Variants in MAL observed in about 807,000 individuals in gnomAD.
The protein encoded by MAL is myelin and lymphocyte protein.
Under a neutral mutation model 16.7 loss-of-function variants are expected in MAL, and 5 were observed. The ratio of observed to expected loss-of-function variants is 0.30; its 90% confidence interval spans 0.16 to 0.63. The LOEUF is 0.63. Among genes scored for constraint, MAL ranks in the 30% least tolerant of loss-of-function variants. The pLI, the probability that MAL is intolerant of heterozygous loss-of-function variation, is 0.82. For missense variants in MAL, 202 were observed against 195.8 expected, an observed-to-expected ratio of 1.03 and a Z score of -0.19; for synonymous variants, 96 against 85.5, an observed-to-expected ratio of 1.12 and a Z score of -0.67.
At chr2:95,053,317 G>T in intron 3 of MAL, 64 bp from the exon 4 acceptor site, 1 of 1,127,106 alleles carries the variant, frequency 8.9e-7, no homozygotes. Context: ...GCTGGATGCA[G>T]TGCAGACGCT....
chr2:95,027,006 A>G (rs1360101805), intron 1 of MAL, among the ~76,000 whole-genome samples: 3 of 152,184 alleles, frequency 2.0e-5, no homozygotes, highest in African/African-American at 4.8e-5. Flanking sequence ...CAGGGCTACC[A>G]TTGAACTTAG....
chr2:95,031,364 T>C (rs1674073732), intron 1 of MAL, among the ~76,000 whole-genome samples: 1 of 152,126 alleles, frequency 6.6e-6, no homozygotes, highest in Non-Finnish European at 1.5e-5. Flanking sequence ...ACTGGGAAGC[T>C]CACACCTCCT....
chr2:95,028,523 T>C (rs1674003616), intron 1 of MAL, among the ~76,000 whole-genome samples: 1 of 152,028 alleles, frequency 6.6e-6, no homozygotes, highest in African/African-American at 2.4e-5. Flanking sequence ...CAGTTTGGTG[T>C]TCCCTCAAAA....
At chr2:95,037,370 G>GACTA (rs1674251634) in intron 1 of MAL, among the ~76,000 whole-genome samples, 1 of 151,482 alleles carries the variant, frequency 6.6e-6, no homozygotes, top group African/African-American at 2.4e-5. Context: ...CTGAGTGAGT[G>GACTA]AGTGACTGAG....
intron 1 of MAL, among the ~76,000 whole-genome samples, chr2:95,031,106 G>T (rs146612900): frequency 3.5e-3 from 533 of 152,306 alleles, no homozygotes; most frequent in Admixed American, 7.9e-3. Flanking sequence ...TTCAGAGCTG[G>T]CAGGGAACTG....
At chr2:95,037,500 GTGAC>G (rs1406121763) in intron 1 of MAL, among the ~76,000 whole-genome samples, 10 of 151,566 alleles carry the variant, frequency 6.6e-5, no homozygotes, top group African/African-American at 1.5e-4. Context: ...GAGTGACTGA[GTGAC>G]TGAGTGAGTG....
At chr2:95,048,277 T>A in intron 2 of MAL, 151 bp downstream of exon 2, 1 of 874,870 alleles carries the variant, frequency 1.1e-6, no homozygotes, top group African/African-American at 1.7e-5. Context: ...CCAGGGCTCC[T>A]GGCAGCAGAA....
In MAL at chr2:95,046,511, G is replaced by C. The variant is rs116450974; in HGVS notation, c.94-1448G>C. Among the ~76,000 whole-genome samples, 1,389 of 152,300 alleles carry C rather than the reference G, an allele frequency of 9.1e-3. 24 individuals are homozygous for C. Among genetic ancestry groups the C allele is most frequent in the African/African-American group, 0.032 (1,338 of 41,546 alleles). ...CCACAGTGAGGAACGGAGTTTGTAC[G>C]TACCCATCCGCGGTGGGGAGCGGGT... On this transcript the variant is annotated intron_variant, in intron 1 of 3. Transcript: ENST00000309988.
rs547816299 is a variant in MAL, at chr2:95,037,607, A to G, written c.94-10352A>G. Among the ~76,000 whole-genome samples, 27 of 142,150 alleles carry G rather than the reference A, an allele frequency of 1.9e-4. 1 individual carries two copies. The highest frequency in any genetic ancestry group is 7.0e-4 in the African/African-American group (26 of 37,200). The allele number at this position is 142,150 out of a possible 152,430, so 93.3% of individuals were successfully genotyped here. A position where few individuals can be genotyped will look rare whatever the true frequency, so the allele number is the denominator to read the frequency against. On this transcript the variant is annotated intron_variant, in intron 1 of 3. Coordinates refer to ENST00000309988, the MANE Select transcript of MAL (RefSeq NM_002371.4). ...GACTGAGTGAGTGAGTGGGTGAGTA[A>G]CAGAGTGAGTGAGTGACTAAGTAAG...
chr2:95,025,917 G>A lies in MAL; in HGVS notation c.93+32G>A. On this transcript the variant is annotated intron_variant, in intron 1 of 3. Transcript: ENST00000309988. This position sits in a 1 kb window ranked among gnomAD's most constrained non-coding sequence, Gnocchi z 5.6. ...GGCTCCTGGCCGGGGAAGGGACGGG[G>A]TGGGCTGAGCCGTGCGCTCTCTCGG... The A allele has an allele frequency of 1.3e-6, 2 of 1,515,550 alleles. No individual in the cohort carries two copies. Among genetic ancestry groups the A allele is most frequent in the Non-Finnish European group, 1.8e-6 (2 of 1,124,890 alleles). 93.9% of individuals were successfully genotyped at this position (1,515,550 alleles called of 1,614,324 possible).
intron 1 of MAL, among the ~76,000 whole-genome samples, chr2:95,035,301 T>C (rs1674178227): frequency 6.6e-6 from 1 of 152,242 alleles, no homozygotes; most frequent in Non-Finnish European, 1.5e-5. Context: ...ATTTTGCCTT[T>C]TACAGGTGGC....
chr2:95,036,445 C>A (rs1674208433), intron 1 of MAL, among the ~76,000 whole-genome samples: 1 of 152,186 alleles, frequency 6.6e-6, no homozygotes, highest in South Asian at 2.1e-4. Flanking sequence ...CTTGGTGGAC[C>A]CAGAACTGCT....
At chr2:95,046,298 T>A (rs1457544624) in intron 1 of MAL, among the ~76,000 whole-genome samples, 1 of 152,168 alleles carries the variant, frequency 6.6e-6, no homozygotes, top group Non-Finnish European at 1.5e-5. Flanking sequence ...CTGTAGTACC[T>A]TGGAGACTTT....
intron 1 of MAL, among the ~76,000 whole-genome samples, chr2:95,045,915 T>C (rs1313232444): frequency 1.3e-5 from 2 of 152,232 alleles, no homozygotes; most frequent in African/African-American, 4.8e-5. Flanking sequence ...TTTTATTTAA[T>C]TGATTTTGCT....
chr2:95,030,089 A>G (rs1674041528), intron 1 of MAL, among the ~76,000 whole-genome samples: 1 of 152,100 alleles, frequency 6.6e-6, no homozygotes, highest in Admixed American at 6.6e-5. Context: ...TGGTGAGGGG[A>G]CTGCCCACTG....
chr2:95,028,721 AGAAAGGAAT>A (rs1674009227), intron 1 of MAL, among the ~76,000 whole-genome samples: 1 of 152,248 alleles, frequency 6.6e-6, no homozygotes. Context: ...ACCTGACCAT[AGAAAGGAAT>A]GAAGTACTGA....
chr2:95,033,056 T>G (rs553112803), intron 1 of MAL, among the ~76,000 whole-genome samples: 41 of 152,018 alleles, frequency 2.7e-4, no homozygotes, highest in African/African-American at 8.7e-4. Context: ...CAGCCTCCAG[T>G]CCCTGTGAGA....
intron 1 of MAL, among the ~76,000 whole-genome samples, chr2:95,031,819 C>T (rs1390773158): frequency 6.6e-6 from 1 of 152,246 alleles, no homozygotes; most frequent in African/African-American, 2.4e-5. Flanking sequence ...GTTTTCTCCT[C>T]TCTTCCTCTC....
intron 1 of MAL, chr2:95,044,328 A>G (rs762901103): frequency 1.3e-5 from 2 of 152,222 alleles, no homozygotes; most frequent in Non-Finnish European, 2.9e-5. Context: ...GACTGTGGTG[A>G]TGGACGCACG....
Sources: gnomAD v4.1 joint callset for allele counts (sites outside exome capture counted in the v4.1 genomes callset) on GRCh38, gnomAD v4.1.1 for gene constraint, Gnocchi (gnomAD v3.1) non-coding constraint, MANE v1.5 for transcripts, NCBI Gene and HGNC (gene_info 2026-07-23, HGNC 2026-07-21) for gene names.